The following LHFPL4 variants were observed in gnomAD, a reference collection of about 807,000 sequenced individuals.
LHFPL4 encodes the protein LHFPL tetraspan subfamily member 4, also known as LHFPL tetraspan subfamily member 4 protein.
Under a neutral mutation model 20.0 loss-of-function variants are expected in LHFPL4, and 6 were observed. That is an observed-to-expected ratio of 0.30 (90% CI 0.16 to 0.59). The LOEUF is 0.59. LHFPL4 is among the 20% of genes least tolerant of loss of function. LHFPL4 has a pLI of 0.88. For synonymous variants in LHFPL4, 129 were observed against 143.8 expected (o/e 0.90, Z 0.74); for missense variants, 215 against 331.2 (o/e 0.65, Z 2.72).
chr3:9,503,423 ACAGTAATC>A (rs1381892761), intron 3 of LHFPL4, among the ~76,000 whole-genome samples: 1 of 152,178 alleles, frequency 6.6e-6, no homozygotes, highest in Non-Finnish European at 1.5e-5. Flanking sequence ...CACCAAAACC[ACAGTAATC>A]CCGGGGTCTG....
At chr3:9,538,702 CT>C (rs35357177) in intron 2 of LHFPL4, among the ~76,000 whole-genome samples, 29,409 of 139,940 alleles carry the variant, frequency 0.21, 3,430 homozygotes, top group East Asian at 0.42. Flanking sequence ...GGTTTTCTTT[CT>C]TTTTTTTTTT....
chr3:9,505,910 G>T, intron 3 of LHFPL4, 57 bp downstream of exon 3: 1 of 1,475,734 alleles, frequency 6.8e-7, no homozygotes, highest in Non-Finnish European at 9.4e-7. Context: ...AAATTATCCT[G>T]CCTCCCAGGA....
chr3:9,522,060 G>A (rs2046341159), intron 2 of LHFPL4, among the ~76,000 whole-genome samples: 1 of 151,906 alleles, frequency 6.6e-6, no homozygotes, highest in South Asian at 2.1e-4. Flanking sequence ...AAATTTTTAA[G>A]TAGTTGCCCT....
At chr3:9,550,176 C>G (rs184837153) in intron 2 of LHFPL4, among the ~76,000 whole-genome samples, 1 of 152,356 alleles carries the variant, frequency 6.6e-6, no homozygotes, top group African/African-American at 2.4e-5. Flanking sequence ...CCCCAAGACT[C>G]GTAGTCCAGT....
chr3:9,550,667 G>C (rs1280512462), intron 2 of LHFPL4: 2 of 152,174 alleles, frequency 1.3e-5, no homozygotes, highest in Non-Finnish European at 2.9e-5. Context: ...CTTTGCAGGA[G>C]AAATAGAATA....
In LHFPL4 at chr3:9,502,285, C is replaced by T. The variant is rs1324349956; in HGVS notation, c.670G>A (p.Val224Met). 4 of 1,613,636 alleles carry T rather than the reference C, an allele frequency of 2.5e-6. No homozygotes were observed. Among genetic ancestry groups the T allele is most frequent in the South Asian group, 2.2e-5 (2 of 91,056 alleles). Residue 224 changes from valine to methionine, a missense_variant, in exon 4 of 4, where the codon GTG becomes ATG. By Grantham distance (21) the Val-to-Met change is conservative. Around this residue, in one of 2 missense-constraint regions of LHFPL4, gnomAD observed 51 missense variants for 44.5 expected, o/e 1.15. Transcript: ENST00000287585. ...GAGACATCACCCCCGGGCCGCAACACGGAGCTTACTGTAGAGCCCACAAAA... is the reference window on the plus strand; with the variant it reads ...GAGACATCACCCCCGGGCCGCAACATGGAGCTTACTGTAGAGCCCACAAAA... ...KDFVGSTVSS[V>M]LRPGGDVSGW...
At chr3:9,540,946 A>AT (rs1024288551) in intron 2 of LHFPL4, among the ~76,000 whole-genome samples, 44 of 148,204 alleles carry the variant, frequency 3.0e-4, no homozygotes, top group East Asian at 7.9e-4. Context: ...AAATAAAATA[A>AT]TTTTTTTTTT....
chr3:9,540,890 CA>C (rs755840231), intron 2 of LHFPL4, among the ~76,000 whole-genome samples: 8 of 143,062 alleles, frequency 5.6e-5, no homozygotes, highest in South Asian at 4.5e-4. Context: ...GACCCTGTCT[CA>C]AAAAAAAATA....
At chr3:9,508,104 C>T (rs1221847098) in intron 2 of LHFPL4, among the ~76,000 whole-genome samples, 1 of 152,182 alleles carries the variant, frequency 6.6e-6, no homozygotes, top group Non-Finnish European at 1.5e-5. Context: ...CCACCTGGCC[C>T]ATCTAGTCCC....
At chr3:9,540,438 G>T (rs1574853329) in intron 2 of LHFPL4, among the ~76,000 whole-genome samples, 2 of 152,302 alleles carry the variant, frequency 1.3e-5, no homozygotes, top group African/African-American at 4.8e-5. Context: ...CTGGATTTAG[G>T]AACTTACTTC....
intron 2 of LHFPL4, among the ~76,000 whole-genome samples, chr3:9,538,955 C>T (rs2046460554): frequency 6.6e-6 from 1 of 152,062 alleles, no homozygotes; most frequent in African/African-American, 2.4e-5. Flanking sequence ...CCACCTTGGC[C>T]TCTCAAAGTG....
chr3:9,527,169 A>G lies in LHFPL4; in HGVS notation c.407-20966T>C, dbSNP rs2046381107. On this transcript the variant is annotated intron_variant, in intron 2 of 3. Transcript: ENST00000287585. ...CAGGGAAGATAGAAATGAAGTTTAT[A>G]AGAGTGGTGGCCTCTGGGTGGGGCT... 2.0e-5 allele frequency among the ~76,000 whole-genome samples: 3 copies of G among 152,180 alleles called. No homozygotes were observed. In the South Asian group the frequency reaches 6.2e-4, roughly 32 times the overall value.
In LHFPL4 at chr3:9,552,216, A is replaced by G. The variant is rs931572784; in HGVS notation, c.406+58T>C. The G allele has an allele frequency of 8.5e-6, 13 of 1,533,618 alleles. No individual in the cohort carries two copies. In the Admixed American group the frequency reaches 2.5e-4, roughly 29 times the overall value. ...GACTCCTTCAGGAAGGGGACCTGGC[A>G]GGAAGGAGCCCCGTCCCTGGCGCTT... On this transcript the variant is annotated intron_variant, in intron 2 of 3. Coordinates refer to ENST00000287585, the MANE Select transcript of LHFPL4 (RefSeq NM_198560.3).
At chr3:9,539,454 C>CA (rs57211005) in intron 2 of LHFPL4, among the ~76,000 whole-genome samples, 19,455 of 109,326 alleles carry the variant, frequency 0.18, 2,415 homozygotes, top group East Asian at 0.43. Context: ...AACTTCGTCT[C>CA]AAAAAAAAAA....
chr3:9,512,940 C>T lies in LHFPL4; in HGVS notation c.407-6737G>A, dbSNP rs184726645. ...AGCTCTGGACTGCCTCACTCTAGGA[C>T]ATTTTTTTGTTTGTTTGTTTGTTTG... On this transcript the variant is annotated intron_variant, in intron 2 of 3. Transcript: ENST00000287585. 2.6e-3 allele frequency among the ~76,000 whole-genome samples: 394 copies of T among 151,380 alleles called. 4 individuals carry two copies. Among genetic ancestry groups the T allele is most frequent in the African/African-American group, 9.0e-3 (371 of 41,078 alleles).
At position 9,521,403 on chromosome 3, in the gene LHFPL4, C is replaced by CTT. The variant is rs540986600; in HGVS notation, c.407-15202_407-15201dup. The stretch of plus-strand genomic sequence containing the variant: ...CCATGCTTGGCTAATTTTTTTTCTA[C>CTT]TTTTTTTTTTTTTTATTAGACGGAG... On this transcript the variant is annotated intron_variant, in intron 2 of 3. Coordinates refer to ENST00000287585, the MANE Select transcript of LHFPL4 (RefSeq NM_198560.3). Among the ~76,000 whole-genome samples the CTT allele has an allele frequency of 4.1e-4, 58 of 140,930 alleles. 1 individual carries two copies. The highest frequency in any genetic ancestry group is 4.5e-4 in the South Asian group (2 of 4,408). 92.5% of individuals were successfully genotyped at this position (140,930 alleles called of 152,430 possible). A position where few individuals can be genotyped will look rare whatever the true frequency, so the allele number is the denominator to read the frequency against.
intron 2 of LHFPL4, among the ~76,000 whole-genome samples, chr3:9,533,377 G>A (rs1315422437): frequency 6.6e-6 from 1 of 152,216 alleles, no homozygotes; most frequent in African/African-American, 2.4e-5. Flanking sequence ...GTATACAGCA[G>A]TGAAGACGGA....
chr3:9,547,398 C>A (rs2125668104), intron 2 of LHFPL4, among the ~76,000 whole-genome samples: 1 of 152,308 alleles, frequency 6.6e-6, no homozygotes, highest in South Asian at 2.1e-4. Context: ...CCCCGGCTAA[C>A]TACACCGGGC....
chr3:9,510,993 T>C (rs2046255813), intron 2 of LHFPL4, among the ~76,000 whole-genome samples: 1 of 151,442 alleles, frequency 6.6e-6, no homozygotes, highest in Non-Finnish European at 1.5e-5. Context: ...CAGTGATGAG[T>C]GCTTAACTAT....
Sources: allele counts gnomAD v4.1 joint callset (sites outside exome capture counted in the v4.1 genomes callset), GRCh38; gene constraint gnomAD v4.1.1; regional missense constraint gnomAD v4.1.1; transcripts MANE v1.5; gene names NCBI Gene and HGNC (gene_info 2026-07-23, HGNC 2026-07-21).